The following PDE4B variants were observed in gnomAD, a reference collection of about 807,000 sequenced individuals.
PDE4B encodes the protein phosphodiesterase 4B.
A neutral mutation model predicts 82.2 loss-of-function variants in PDE4B; 20 were observed. The ratio of observed to expected loss-of-function variants is 0.24; its 90% CI spans 0.17 to 0.35. The LOEUF is 0.35. PDE4B is among the 10% of genes least tolerant of loss of function. The pLI is 1.00. For missense variants in PDE4B, 655 were observed against 907.2 expected, an observed-to-expected ratio of 0.72 and a Z score of 3.57; for synonymous variants, 320 against 318.9, an observed-to-expected ratio of 1.00 and a Z score of -0.04.
intron 3 of PDE4B, among the ~76,000 whole-genome samples, chr1:66,002,051 C>G (rs1219814450): frequency 6.6e-6 from 1 of 152,132 alleles, no homozygotes; most frequent in Admixed American, 6.6e-5. Flanking sequence ...TTATAAAACA[C>G]TGCCAAACTG....
chr1:66,154,674 C>T (rs1285946203), intron 3 of PDE4B, among the ~76,000 whole-genome samples: 2 of 152,182 alleles, frequency 1.3e-5, no homozygotes, highest in African/African-American at 4.8e-5. Flanking sequence ...GCTACACATG[C>T]TCCAATTACA....
intron 3 of PDE4B, among the ~76,000 whole-genome samples, chr1:66,241,104 G>C (rs1652855743): frequency 6.6e-6 from 1 of 152,228 alleles, no homozygotes; most frequent in African/African-American, 2.4e-5. Context: ...CTTCAGATGA[G>C]CTGAACATCA....
chr1:66,270,741 C>A (rs1336126137), intron 7 of PDE4B, among the ~76,000 whole-genome samples: 1 of 150,592 alleles, frequency 6.6e-6, no homozygotes, highest in Non-Finnish European at 1.5e-5. Context: ...AAGGCTCTGA[C>A]CAGTCATGAT....
chr1:66,106,052 T>C (rs1251968061), intron 3 of PDE4B, among the ~76,000 whole-genome samples: 7 of 151,950 alleles, frequency 4.6e-5, no homozygotes, highest in Non-Finnish European at 7.4e-5. Context: ...TTTGTGCCCA[T>C]TCAGTATGAT....
intron 3 of PDE4B, among the ~76,000 whole-genome samples, chr1:66,194,597 A>G (rs1360989318): frequency 6.6e-6 from 1 of 152,180 alleles, no homozygotes; most frequent in Non-Finnish European, 1.5e-5. Flanking sequence ...AGGTTAATGA[A>G]GTAAAATAAG....
intron 3 of PDE4B, among the ~76,000 whole-genome samples, chr1:66,233,834 C>A (rs1652188072): frequency 6.6e-6 from 1 of 151,362 alleles, no homozygotes. Context: ...TTTTTTTTGT[C>A]TGTTATAACA....
Position 65,893,738 on chromosome 1 carries a change from C to T in PDE4B, c.-70-19507C>T, listed in dbSNP as rs537833884. Among the ~76,000 whole-genome samples, 126 of 151,870 alleles carry T rather than the reference C, an allele frequency of 8.3e-4. 1 individual carries two copies. Among genetic ancestry groups the T allele is most frequent in the Non-Finnish European group, 1.5e-3 (104 of 67,950 alleles). On this transcript the variant is annotated intron_variant, in intron 1 of 16. Coordinates refer to ENST00000341517, the MANE Select transcript of PDE4B (RefSeq NM_002600.4). ...TTCAGTTGCAAAGATATGGAATCAA[C>T]CTAAGTACCCACTGAACAGTGACTG...
intron 7 of PDE4B, among the ~76,000 whole-genome samples, chr1:66,307,239 C>T (rs1658342797): frequency 6.6e-6 from 1 of 151,872 alleles, no homozygotes; most frequent in Non-Finnish European, 1.5e-5. Flanking sequence ...TGAAGCAGGG[C>T]CTAAAGAAAA....
At chr1:66,071,776 C>T (rs1024965236) in intron 3 of PDE4B, among the ~76,000 whole-genome samples, 4 of 152,000 alleles carry the variant, frequency 2.6e-5, no homozygotes, top group Non-Finnish European at 4.4e-5. Flanking sequence ...TGTAAGACTA[C>T]GTGTTATCGA....
At chr1:66,355,920 C>T (rs1662203372) in intron 9 of PDE4B, among the ~76,000 whole-genome samples, 1 of 152,206 alleles carries the variant, frequency 6.6e-6, no homozygotes, top group Non-Finnish European at 1.5e-5. Context: ...GCTAAGACCT[C>T]TGAAGTAATG....
intron 3 of PDE4B, among the ~76,000 whole-genome samples, chr1:66,121,824 T>C (rs1273312716): frequency 6.6e-6 from 1 of 152,204 alleles, no homozygotes; most frequent in African/African-American, 2.4e-5. Flanking sequence ...AACAACTTAT[T>C]AGCTGTTCAT....
chr1:66,064,160 C>A (rs899377251), intron 3 of PDE4B, among the ~76,000 whole-genome samples: 1 of 151,872 alleles, frequency 6.6e-6, no homozygotes, highest in African/African-American at 2.4e-5. Flanking sequence ...TTTTTCTTAG[C>A]CTTTATCAGC....
intron 3 of PDE4B, among the ~76,000 whole-genome samples, chr1:66,066,947 A>G (rs372924987): frequency 2.0e-5 from 3 of 151,972 alleles, no homozygotes. Context: ...AAAGTAATAT[A>G]ATCTTTTTTG....
At chr1:66,282,730 T>G (rs1656385012) in intron 7 of PDE4B, among the ~76,000 whole-genome samples, 1 of 152,156 alleles carries the variant, frequency 6.6e-6, no homozygotes. Context: ...TCAGTCATCT[T>G]TAGTTTAAAT....
intron 3 of PDE4B, among the ~76,000 whole-genome samples, chr1:66,106,702 C>G (rs1396584773): frequency 1.3e-5 from 2 of 151,966 alleles, no homozygotes; most frequent in African/African-American, 2.4e-5. Flanking sequence ...TCCATTTCTT[C>G]TAGATTTTCT....
intron 3 of PDE4B, among the ~76,000 whole-genome samples, chr1:66,041,377 T>C (rs1054180094): frequency 4.6e-5 from 7 of 152,010 alleles, no homozygotes; most frequent in African/African-American, 1.7e-4. Flanking sequence ...GTTAGTTTGT[T>C]CCACATGTCA....
chr1:66,069,280 C>T (rs1228213382), intron 3 of PDE4B, among the ~76,000 whole-genome samples: 1 of 151,934 alleles, frequency 6.6e-6, no homozygotes, highest in East Asian at 1.9e-4. Flanking sequence ...CTCTGAGCAT[C>T]CTCTGTTTCT....
intron 3 of PDE4B, among the ~76,000 whole-genome samples, chr1:65,948,078 C>G (rs1039605664): frequency 1.2e-4 from 18 of 150,956 alleles, no homozygotes; most frequent in Non-Finnish European, 2.2e-4. Flanking sequence ...TATCCAGGAT[C>G]ATTCTCTGGG....
intron 3 of PDE4B, among the ~76,000 whole-genome samples, chr1:66,029,118 C>T (rs919822521): frequency 6.6e-6 from 1 of 152,200 alleles, no homozygotes; most frequent in East Asian, 1.9e-4. Context: ...ACTTACAGTT[C>T]CACATGGCTG....
Sources: gnomAD v4.1 joint callset for allele counts (sites outside exome capture counted in the v4.1 genomes callset) on GRCh38, gnomAD v4.1.1 for gene constraint, MANE v1.5 for transcripts, NCBI Gene and HGNC (gene_info 2026-07-23, HGNC 2026-07-21) for gene names.